The following CCDC125 variants were observed in gnomAD, a reference collection of about 807,000 sequenced individuals.
The protein encoded by CCDC125 is coiled-coil domain containing 125.
In CCDC125, 43 loss-of-function variants were observed where a neutral mutation model predicts 57.4. The ratio of observed to expected loss-of-function variants is 0.75; its 90% confidence interval spans 0.59 to 0.97. CCDC125 has a LOEUF of 0.97. Ranked by LOEUF, CCDC125 falls within the 50% of genes least tolerant of loss-of-function variation. CCDC125 has a pLI of 0.00. For synonymous variants in CCDC125, 187 were observed against 195.2 expected (o/e 0.96, Z 0.35); for missense variants, 563 against 595.7 (o/e 0.95, Z 0.57).
At chr5:69,288,798 C>T (rs1031699332) in intron 10 of CCDC125, among the ~76,000 whole-genome samples, 8 of 152,308 alleles carry the variant, frequency 5.3e-5, no homozygotes, top group South Asian at 4.1e-4. Flanking sequence ...TGGGATCTGA[C>T]TCTAACTCCA....
chr5:69,274,824 G>A, the CCDC125 span, among the ~76,000 whole-genome samples: 251 of 152,096 alleles, frequency 1.7e-3, no homozygotes, highest in African/African-American at 5.3e-3. Flanking sequence ...CCATGTTATC[G>A]AGGCTGATCT....
intron 4 of CCDC125, chr5:69,308,509 CT>C (rs1375141656): frequency 5.5e-6 from 1 of 182,154 alleles, no homozygotes; most frequent in Non-Finnish European, 1.1e-5. Context: ...CTCATTTTCT[CT>C]TGCTGCTGCC....
At chr5:69,286,454 G>A (rs753825281) in intron 10 of CCDC125, among the ~76,000 whole-genome samples, 3 of 150,918 alleles carry the variant, frequency 2.0e-5, no homozygotes, top group East Asian at 1.9e-4. Context: ...GGATGGTCTC[G>A]ATCTCCTGAC....
intron 2 of CCDC125, among the ~76,000 whole-genome samples, 167 bp downstream of exon 2, chr5:69,320,070 G>A (rs991758699): frequency 2.0e-5 from 3 of 152,048 alleles, no homozygotes; most frequent in Non-Finnish European, 4.4e-5. Flanking sequence ...GCAGTGAGCC[G>A]AGATCGCGTG....
chr5:69,292,841 TTC>T (rs1340688828), intron 9 of CCDC125, among the ~76,000 whole-genome samples: 21 of 151,534 alleles, frequency 1.4e-4, no homozygotes, highest in African/African-American at 5.1e-4. Context: ...TTTCTTCTTC[TTC>T]TTTTTTTTTT....
At chr5:69,273,916 T>C in the CCDC125 span, among the ~76,000 whole-genome samples, 1 of 152,154 alleles carries the variant, frequency 6.6e-6, no homozygotes, top group African/African-American at 2.4e-5. Context: ...TAGATAGATA[T>C]AGATGGATAG....
intron 10 of CCDC125, among the ~76,000 whole-genome samples, chr5:69,286,452 T>C (rs1753488067): frequency 1.3e-5 from 2 of 151,308 alleles, no homozygotes; most frequent in African/African-American, 4.9e-5. Context: ...CAGGATGGTC[T>C]CGATCTCCTG....
At chr5:69,274,413 T>G in the CCDC125 span, among the ~76,000 whole-genome samples, 1 of 152,148 alleles carries the variant, frequency 6.6e-6, no homozygotes, top group African/African-American at 2.4e-5. Context: ...GGAGCAAGGA[T>G]AGCTTGAGCC....
chr5:69,308,285 G>C (rs1184648732), intron 4 of CCDC125: 1 of 473,028 alleles, frequency 2.1e-6, no homozygotes, highest in East Asian at 3.6e-5. Flanking sequence ...CTATTCATCA[G>C]TCAAAAAGTG....
intron 1 of CCDC125, among the ~76,000 whole-genome samples, chr5:69,331,184 T>C (rs1323728562): frequency 1.2e-4 from 18 of 151,678 alleles, no homozygotes; most frequent in Admixed American, 1.2e-3. Context: ...GCGCCTTTAA[T>C]CCCAACTACT....
intron 1 of CCDC125, among the ~76,000 whole-genome samples, chr5:69,321,431 C>T (rs905333721): frequency 6.6e-6 from 1 of 152,164 alleles, no homozygotes. Flanking sequence ...GCAATTTTGT[C>T]GTTGTGTGAA....
intron 9 of CCDC125, 30 bp downstream of exon 9, chr5:69,294,762 TA>T (rs1411222506): frequency 1.3e-6 from 2 of 1,491,786 alleles, no homozygotes. Context: ...GAAACAAAAC[TA>T]AAGCTTTTGC....
At chr5:69,296,292 C>T (rs1007909941) in intron 8 of CCDC125, among the ~76,000 whole-genome samples, 6 of 152,142 alleles carry the variant, frequency 3.9e-5, no homozygotes, top group African/African-American at 9.7e-5. Flanking sequence ...TGGCTCATGC[C>T]TGTAATCCCA....
chr5:69,316,552 C>T (rs1185492916), intron 2 of CCDC125, among the ~76,000 whole-genome samples: 1 of 152,176 alleles, frequency 6.6e-6, no homozygotes, highest in Non-Finnish European at 1.5e-5. Context: ...CTTTAGCCCA[C>T]TGAAATTTAT....
Position 69,317,224 on chromosome 5 carries a change from T to G in CCDC125, c.304+3013A>C, listed in dbSNP as rs544376232. On this transcript the variant is annotated intron_variant, in intron 2 of 11. Transcript: ENST00000396496. ...CGGGGTTTCACCATCTTGGCCAGGC[T>G]GGTCTCAAACTCCTGACCTCATGAT... Among the ~76,000 whole-genome samples, 40 of 152,258 alleles carry G rather than the reference T, an allele frequency of 2.6e-4. No homozygotes were observed. The East Asian group carries it at 7.5e-3, about 29-fold the overall frequency.
At chr5:69,287,645 C>G (rs1035442526) in intron 10 of CCDC125, among the ~76,000 whole-genome samples, 1 of 151,798 alleles carries the variant, frequency 6.6e-6, no homozygotes, top group African/African-American at 2.4e-5. Context: ...TCATGACTCA[C>G]TGCAGCCTCA....
chr5:69,277,339 G>A, downstream of CCDC125: 1 of 423,438 alleles, frequency 2.4e-6, no homozygotes, highest in Non-Finnish European at 4.2e-6. Context: ...GAGTGCAAAA[G>A]TGAGAAAAGT....
intron 1 of CCDC125, 99 bp from the exon 2 acceptor site, chr5:69,320,679 A>G: frequency 1.6e-6 from 1 of 623,890 alleles, no homozygotes; most frequent in Admixed American, 2.9e-5. Flanking sequence ...TATGTCAAAG[A>G]GATGTCTACA....
Position 69,282,634 on chromosome 5 carries a change from A to G in CCDC125, c.*95T>C, listed in dbSNP as rs2035761345. 3.9e-6 allele frequency: 4 copies of G among 1,035,080 alleles called. No individual in the cohort carries two copies. In the Admixed American group the frequency reaches 7.5e-5, roughly 19 times the overall value. 64.1% of individuals were successfully genotyped at this position (1,035,080 alleles called of 1,614,324 possible). A position where few individuals can be genotyped will look rare whatever the true frequency, so the allele number is the denominator to read the frequency against. ...TAAAATTTAGAAATACCTAGGAAACATACAACTTCTCAAGATGCAGCAAAA... is the reference window on the plus strand; with the variant it reads ...TAAAATTTAGAAATACCTAGGAAACGTACAACTTCTCAAGATGCAGCAAAA... On this transcript the variant is annotated 3_prime_UTR_variant, in exon 12 of 12. Coordinates refer to ENST00000396496, the MANE Select transcript of CCDC125 (RefSeq NM_176816.5).
Sources: gnomAD v4.1 joint callset for allele counts (sites outside exome capture counted in the v4.1 genomes callset) on GRCh38, gnomAD v4.1.1 for gene constraint, MANE v1.5 for transcripts, NCBI Gene and HGNC (gene_info 2026-07-23, HGNC 2026-07-21) for gene names.